Variants in NEK5 observed in about 807,000 individuals in gnomAD.
The protein encoded by NEK5 is serine/threonine-protein kinase Nek5.
A neutral mutation model predicts 109.2 loss-of-function variants in NEK5; 88 were observed. That is an observed-to-expected ratio of 0.81 (90% confidence interval 0.68 to 0.96). The LOEUF is 0.96. NEK5 is among the 40% of genes least tolerant of loss of function. The probability of loss-of-function intolerance (pLI) is 0.00; values close to 1 mark genes in which losing one functional copy is unlikely to be tolerated. For missense variants in NEK5, 834 were observed against 920.7 expected, an observed-to-expected ratio of 0.91 and a Z score of 1.22; for synonymous variants, 283 against 299.9, an observed-to-expected ratio of 0.94 and a Z score of 0.58.
intron 17 of NEK5, among the ~76,000 whole-genome samples, chr13:52,080,854 TA>T (rs1954996156): frequency 7.2e-6 from 1 of 138,980 alleles, no homozygotes; most frequent in African/African-American, 2.7e-5. Context: ...CCCTGCCAAA[TA>T]CCCCTCTGCG....
At chr13:52,101,267 A>T (rs925142898) in intron 11 of NEK5, among the ~76,000 whole-genome samples, 1 of 152,002 alleles carries the variant, frequency 6.6e-6, no homozygotes, top group Non-Finnish European at 1.5e-5. Context: ...GGGAGTGGTG[A>T]TGGGCGGCTG....
At chr13:52,089,814 C>T (rs950670833) in intron 13 of NEK5, among the ~76,000 whole-genome samples, 43 of 152,018 alleles carry the variant, frequency 2.8e-4, no homozygotes, top group African/African-American at 8.2e-4. Flanking sequence ...GGTGAAACCC[C>T]GTCTCTGCTA....
intron 20 of NEK5, among the ~76,000 whole-genome samples, chr13:52,068,028 A>G (rs767805040): frequency 6.6e-6 from 1 of 151,906 alleles, no homozygotes; most frequent in Non-Finnish European, 1.5e-5. Flanking sequence ...GCCTTTTCCA[A>G]AAACAACCCC....
chr13:52,074,684 G>A (rs1196928500), intron 19 of NEK5, among the ~76,000 whole-genome samples: 1 of 152,044 alleles, frequency 6.6e-6, no homozygotes, highest in East Asian at 1.9e-4. Flanking sequence ...TATCAACAGA[G>A]TAAATAGACA....
intron 8 of NEK5, among the ~76,000 whole-genome samples, chr13:52,105,227 C>CT (rs938585413): frequency 1.4e-5 from 2 of 147,644 alleles, no homozygotes; most frequent in Non-Finnish European, 3.0e-5. Flanking sequence ...AGCAGCAATG[C>CT]TTTGTGCATG....
chr13:52,080,793 C>T (rs1954993723), intron 17 of NEK5, among the ~76,000 whole-genome samples: 2 of 151,750 alleles, frequency 1.3e-5, no homozygotes, highest in South Asian at 4.2e-4. Flanking sequence ...AAACCAGAGA[C>T]CTTTGTTCAC....
intron 22 of NEK5, among the ~76,000 whole-genome samples, chr13:52,056,388 C>T (rs372695534): frequency 0.034 from 5,160 of 151,742 alleles, 128 homozygotes; most frequent in South Asian, 0.089. Flanking sequence ...GACAGATCAA[C>T]GAGACAGAAA....
At chr13:52,107,345 C>T (rs1274039360) in intron 8 of NEK5, among the ~76,000 whole-genome samples, 1 of 151,876 alleles carries the variant, frequency 6.6e-6, no homozygotes, top group African/African-American at 2.4e-5. Flanking sequence ...GTAATCTCAA[C>T]ACTTTGGGAG....
intron 13 of NEK5, among the ~76,000 whole-genome samples, chr13:52,091,912 A>G (rs1408309240): frequency 6.6e-6 from 1 of 152,224 alleles, no homozygotes; most frequent in African/African-American, 2.4e-5. Context: ...GCCGAATGAA[A>G]TATATCTTAT....
At position 52,075,738 on chromosome 13, in the gene NEK5, A is replaced by G; in HGVS notation, c.1722+20T>C. ...CATTTTCTGATACCTACTAATGGAA[A>G]TTTAGACTTAATGGCATACCTCTTC... On this transcript the variant is annotated intron_variant, in intron 19 of 23. Coordinates refer to ENST00000684899, the MANE Select transcript of NEK5 (RefSeq NM_001365552.1). 1 of 1,462,970 alleles carries G rather than the reference A, an allele frequency of 6.8e-7. No individual in the cohort carries two copies. Among genetic ancestry groups the G allele is most frequent in the East Asian group, 2.3e-5 (1 of 43,688 alleles). 90.6% of individuals were successfully genotyped at this position (1,462,970 alleles called of 1,614,324 possible).
At chr13:52,068,707 G>A (rs1001561850) in intron 20 of NEK5, among the ~76,000 whole-genome samples, 4 of 152,100 alleles carry the variant, frequency 2.6e-5, no homozygotes, top group Admixed American at 6.5e-5. Context: ...GGTGGCTCAC[G>A]CCTGTAATCC....
At chr13:52,100,661 C>T (rs1955510658) in intron 11 of NEK5, among the ~76,000 whole-genome samples, 1 of 152,056 alleles carries the variant, frequency 6.6e-6, no homozygotes, top group South Asian at 2.1e-4. Flanking sequence ...ATTGTTTGAG[C>T]TCAGGAGTTC....
At chr13:52,105,248 T>A (rs1014986465) in intron 8 of NEK5, among the ~76,000 whole-genome samples, 87 of 142,392 alleles carry the variant, frequency 6.1e-4, no homozygotes, top group Middle Eastern at 3.4e-3. Flanking sequence ...AGTGTGTGTG[T>A]GTGTGTGTGT....
At chr13:52,063,365 T>C (rs1954631885) in intron 21 of NEK5, among the ~76,000 whole-genome samples, 1 of 152,224 alleles carries the variant, frequency 6.6e-6, no homozygotes, top group Admixed American at 6.5e-5. Context: ...GGAGTCTGGT[T>C]CACTCAGTGC....
chr13:52,058,406 C>T (rs1439684546), intron 22 of NEK5, among the ~76,000 whole-genome samples: 6 of 139,802 alleles, frequency 4.3e-5, no homozygotes, highest in South Asian at 4.7e-4. Context: ...CAATGCCATC[C>T]CCATCAAGCT....
At position 52,033,636 on chromosome 13, in the gene NEK5, A is replaced by G. The variant is rs1374074377; in HGVS notation, c.*3312T>C. ...TCAGGTTTAATAAACTTTTTAATGA[A>G]TATTTCAGACATAACAAAAAACTGC... On this transcript the variant is annotated 3_prime_UTR_variant, in exon 24 of 24. Transcript: ENST00000684899. The G allele has an allele frequency of 1.8e-5, 3 of 164,548 alleles. No individual in the cohort carries two copies. Among genetic ancestry groups the G allele is most frequent in the Non-Finnish European group, 2.9e-5 (2 of 68,086 alleles). The allele number at this position is 164,548 out of a possible 1,614,324, so 10.2% of individuals were successfully genotyped here.
chr13:52,068,787 T>C (rs1194564109), intron 20 of NEK5, among the ~76,000 whole-genome samples: 4 of 151,866 alleles, frequency 2.6e-5, no homozygotes, highest in Non-Finnish European at 2.9e-5. Context: ...CTGGCAAACA[T>C]GGTGAAACCT....
In NEK5 at chr13:52,061,909, G is replaced by A. The variant is rs906017793; in HGVS notation, c.2020C>T (p.Gln674Ter). Residue 674 changes from glutamine to a stop codon, truncating the protein, a stop_gained, in exon 22 of 24, where the codon CAG (glutamine) becomes TAG (stop). Coordinates refer to ENST00000684899, the MANE Select transcript of NEK5 (RefSeq NM_001365552.1). LOFTEE classifies it high-confidence loss of function. ...GTTCCTGGAGCTTCATGCCGCCACTGTTTCCTGTTTCCTGGAATGCCTTCA... is the reference window on the plus strand; with the variant it reads ...GTTCCTGGAGCTTCATGCCGCCACTATTTCCTGTTTCCTGGAATGCCTTCA... ...VIEGIPGNRK[Q>*]WRHEAPGTLM... 3 of 963,680 alleles carry A rather than the reference G, an allele frequency of 3.1e-6. No individual in the cohort carries two copies. The highest frequency in any genetic ancestry group is 3.7e-6 in the Non-Finnish European group (3 of 809,782). The allele number at this position is 963,680 out of a possible 1,614,324, so 59.7% of individuals were successfully genotyped here.
At chr13:52,106,169 G>A (rs1955651027) in intron 8 of NEK5, among the ~76,000 whole-genome samples, 1 of 139,146 alleles carries the variant, frequency 7.2e-6, no homozygotes, top group African/African-American at 2.5e-5. Flanking sequence ...CTTGGTGCCA[G>A]GGGATGTCTC....
Sources: gnomAD v4.1 joint callset for allele counts (sites outside exome capture counted in the v4.1 genomes callset) on GRCh38, gnomAD v4.1.1 for gene constraint, MANE v1.5 for transcripts, NCBI Gene and HGNC (gene_info 2026-07-23, HGNC 2026-07-21) for gene names.